Variants in CCNB3 observed in about 807,000 individuals in gnomAD.
CCNB3 encodes G2/mitotic-specific cyclin-B3.
Under a neutral mutation model 68.0 loss-of-function variants are expected in CCNB3, and 12 were observed. The observed-to-expected ratio is 0.18, with a 90% CI of 0.11 to 0.29. CCNB3 has a LOEUF of 0.29. CCNB3 is among the 10% of genes least tolerant of loss of function. CCNB3 has a pLI of 1.00. For missense variants in CCNB3, 904 were observed against 993.1 expected, an observed-to-expected ratio of 0.91 and a Z score of 1.21; for synonymous variants, 354 against 388.9, an observed-to-expected ratio of 0.91 and a Z score of 1.06.
intron 8 of CCNB3, among the ~76,000 whole-genome samples, chrX:50,328,878 C>T (rs1922431786): frequency 8.9e-6 from 1 of 112,512 alleles, no homozygotes; most frequent in African/African-American, 3.2e-5. Context: ...GGCTATAGGC[C>T]CCCACATAAG....
At chrX:50,332,964 A>C (rs1252864489) in intron 8 of CCNB3, among the ~76,000 whole-genome samples, 3 of 111,769 alleles carry the variant, frequency 2.7e-5, no homozygotes, top group Non-Finnish European at 5.6e-5. Context: ...ACAGTATTTC[A>C]TAAGGGGAGT....
chrX:50,212,687 A>G (rs1296816570), intron 1 of CCNB3, among the ~76,000 whole-genome samples: 1 of 110,474 alleles, frequency 9.1e-6, no homozygotes, highest in Non-Finnish European at 1.9e-5. Flanking sequence ...CTCCACCCCT[A>G]TACATCCCAG....
At chrX:50,294,447 G>C (rs1342069784) in intron 4 of CCNB3, among the ~76,000 whole-genome samples, 1 of 111,293 alleles carries the variant, frequency 9.0e-6, no homozygotes, top group African/African-American at 3.3e-5. Context: ...ATATCCTGAA[G>C]AGGCACACCC....
intron 8 of CCNB3, among the ~76,000 whole-genome samples, chrX:50,333,724 A>G (rs1290245682): frequency 3.6e-5 from 4 of 110,661 alleles, no homozygotes; most frequent in African/African-American, 1.3e-4. Flanking sequence ...GGTAGGTACC[A>G]GGTCAGATGT....
rs782036208 is a variant in CCNB3 at position 50,311,137 on chromosome X, A to C, written c.2968A>C (p.Ser990Arg). 2 of 1,210,289 alleles carry C rather than the reference A, an allele frequency of 1.7e-6. No homozygotes were observed. The highest frequency in any genetic ancestry group is 3.0e-5 in the East Asian group (1 of 33,791). ...CCCTGAATCCATAACCAGCAAGTCCAGCATTGCTACCATGACCAGTGTGGG... is the reference window on the plus strand; with the variant it reads ...CCCTGAATCCATAACCAGCAAGTCCCGCATTGCTACCATGACCAGTGTGGG... ...TAPESITSKS[S>R]IATMTSVGKS... The change falls in exon 6 of 13, where the codon AGC becomes CGC. Residue 990 changes from serine (S) to arginine (R), a missense_variant. Transcript: ENST00000376042.
chrX:50,349,683 G>T (rs1429949863), intron 11 of CCNB3, among the ~76,000 whole-genome samples: 3 of 111,720 alleles, frequency 2.7e-5, no homozygotes, highest in Middle Eastern at 4.7e-3. Context: ...GCCCTTTGCC[G>T]GTGGTGGTGG....
chrX:50,280,473 C>G (rs1936118671), intron 1 of CCNB3, among the ~76,000 whole-genome samples: 1 of 108,647 alleles, frequency 9.2e-6, no homozygotes, highest in Non-Finnish European at 1.9e-5. Flanking sequence ...ATACAAGGAT[C>G]TTGTTTTAGG....
chrX:50,348,482 A>C (rs782411883), intron 11 of CCNB3, among the ~76,000 whole-genome samples: 1 of 111,985 alleles, frequency 8.9e-6, no homozygotes, highest in East Asian at 2.8e-4. Flanking sequence ...GGAGCCACTG[A>C]GGGAAGAACC....
chrX:50,306,325 T>G (rs1411440937), intron 5 of CCNB3, among the ~76,000 whole-genome samples: 2 of 111,702 alleles, frequency 1.8e-5, no homozygotes, highest in Non-Finnish European at 1.9e-5. Flanking sequence ...TATATTGATT[T>G]TGTGTCCTGG....
At chrX:50,323,927 G>C (rs1557216929) in intron 8 of CCNB3, among the ~76,000 whole-genome samples, 1 of 112,562 alleles carries the variant, frequency 8.9e-6, no homozygotes. Flanking sequence ...ATTTTTGTGT[G>C]TGATTCTTTG....
chrX:50,281,279 G>A (rs1216934315), intron 1 of CCNB3, among the ~76,000 whole-genome samples: 1 of 111,574 alleles, frequency 9.0e-6, no homozygotes, highest in Non-Finnish European at 1.9e-5. Context: ...CTTCATGACG[G>A]CTGTAGTTTT....
intron 8 of CCNB3, among the ~76,000 whole-genome samples, chrX:50,322,611 A>C (rs1205140874): frequency 8.9e-6 from 1 of 112,135 alleles, no homozygotes; most frequent in Non-Finnish European, 1.9e-5. Flanking sequence ...ACAGCAAAAG[A>C]AACTACCATC....
intron 1 of CCNB3, among the ~76,000 whole-genome samples, chrX:50,282,898 A>G (rs1350984118): frequency 9.0e-6 from 1 of 111,389 alleles, no homozygotes; most frequent in Admixed American, 9.7e-5. Context: ...ATAAAAAAAA[A>G]AATTATGAGG....
intron 8 of CCNB3, among the ~76,000 whole-genome samples, chrX:50,328,885 T>G (rs73495673): frequency 8.9e-6 from 1 of 112,387 alleles, no homozygotes; most frequent in Non-Finnish European, 1.9e-5. Context: ...GGCCCCCACA[T>G]AAGTCTGAAA....
intron 1 of CCNB3, among the ~76,000 whole-genome samples, chrX:50,222,476 T>G (rs1935688005): frequency 9.0e-6 from 1 of 111,670 alleles, no homozygotes; most frequent in Admixed American, 9.6e-5. Flanking sequence ...GACAAAAATC[T>G]CTCAGCATTT....
intron 1 of CCNB3, among the ~76,000 whole-genome samples, chrX:50,281,822 T>A (rs1459704560): frequency 9.0e-6 from 1 of 111,573 alleles, no homozygotes; most frequent in African/African-American, 3.3e-5. Flanking sequence ...GAATGCTACT[T>A]GCAGCATGTC....
intron 8 of CCNB3, among the ~76,000 whole-genome samples, chrX:50,323,642 G>C (rs1557216892): frequency 2.7e-5 from 3 of 112,292 alleles, no homozygotes; most frequent in Non-Finnish European, 5.6e-5. Context: ...CTTTGCTGAA[G>C]TTAGTCATGA....
intron 5 of CCNB3, among the ~76,000 whole-genome samples, chrX:50,303,912 C>A (rs1602218119): frequency 9.0e-6 from 1 of 111,399 alleles, no homozygotes; most frequent in Middle Eastern, 4.7e-3. Context: ...TGCCAAATCC[C>A]AGGTTAAGAA....
intron 1 of CCNB3, among the ~76,000 whole-genome samples, chrX:50,282,737 G>A (rs999405127): frequency 9.0e-6 from 1 of 111,673 alleles, no homozygotes; most frequent in Admixed American, 9.6e-5. Context: ...GATAATAAAT[G>A]GGGTATATGA....
Sources: allele counts gnomAD v4.1 joint callset (sites outside exome capture counted in the v4.1 genomes callset), GRCh38; gene constraint gnomAD v4.1.1; transcripts MANE v1.5; gene names NCBI Gene and HGNC (gene_info 2026-07-23, HGNC 2026-07-21).